GRID1: variants seen among roughly 807,000 people sequenced by gnomAD.
The protein encoded by GRID1 is glutamate receptor ionotropic, delta-1.
A neutral mutation model predicts 98.0 loss-of-function variants in GRID1; 28 were observed. The observed-to-expected ratio is 0.29, with a 90% CI of 0.21 to 0.39. GRID1 has a LOEUF of 0.39. Among genes scored for constraint, GRID1 ranks in the 10% least tolerant of loss-of-function variants. The pLI, the probability that GRID1 is intolerant of heterozygous loss-of-function variation, is 1.00. For synonymous variants in GRID1, 553 were observed against 538.5 expected, an observed-to-expected ratio of 1.03 and a Z score of -0.37; for missense variants, 1,111 against 1,340.5, an observed-to-expected ratio of 0.83 and a Z score of 2.67.
intron 8 of GRID1, among the ~76,000 whole-genome samples, chr10:85,814,781 T>G (rs1842701935): frequency 6.6e-6 from 1 of 152,004 alleles, no homozygotes; most frequent in Non-Finnish European, 1.5e-5. Flanking sequence ...GTTATTAAAT[T>G]TGTAGTTAAA....
chr10:85,840,911 G>T (rs1036692110), intron 8 of GRID1, among the ~76,000 whole-genome samples: 1 of 152,144 alleles, frequency 6.6e-6, no homozygotes, highest in African/African-American at 2.4e-5. Context: ...TGGCCATACT[G>T]GCCAAAGCAA....
intron 15 of GRID1, among the ~76,000 whole-genome samples, chr10:85,604,882 T>G (rs1842639580): frequency 6.6e-6 from 1 of 152,114 alleles, no homozygotes; most frequent in African/African-American, 2.4e-5. Flanking sequence ...AAGTCTATGG[T>G]TTATTGCTTT....
chr10:85,892,414 G>C (rs1027275336), intron 5 of GRID1, among the ~76,000 whole-genome samples: 1 of 151,708 alleles, frequency 6.6e-6, no homozygotes. Context: ...TAACCAAAGA[G>C]AGGCAAAGAA....
chr10:85,949,992 G>A (rs1842099542), intron 4 of GRID1, among the ~76,000 whole-genome samples: 2 of 152,034 alleles, frequency 1.3e-5, no homozygotes, highest in South Asian at 4.2e-4. Context: ...GGATAGATGG[G>A]TGACTGGATG....
At chr10:86,092,217 G>A (rs1844160226) in intron 4 of GRID1, among the ~76,000 whole-genome samples, 2 of 152,150 alleles carry the variant, frequency 1.3e-5, no homozygotes, top group African/African-American at 4.8e-5. Context: ...GAAGCCCAAT[G>A]CAAGGAAATA....
chr10:85,699,035 G>GGTTTT (rs1458991777), intron 12 of GRID1, among the ~76,000 whole-genome samples: 1 of 151,614 alleles, frequency 6.6e-6, no homozygotes, highest in South Asian at 2.1e-4. Context: ...TTTGTTTTGG[G>GGTTTT]GTTTTGTTTT....
At chr10:86,073,498 G>A (rs1341514435) in intron 4 of GRID1, among the ~76,000 whole-genome samples, 1 of 152,208 alleles carries the variant, frequency 6.6e-6, no homozygotes, top group Non-Finnish European at 1.5e-5. Context: ...CCCTGGGGGT[G>A]TGGTTATGCA....
chr10:86,030,238 C>A (rs920204893), intron 4 of GRID1, among the ~76,000 whole-genome samples: 3 of 151,976 alleles, frequency 2.0e-5, no homozygotes, highest in Non-Finnish European at 4.4e-5. Flanking sequence ...AAATGCTTTT[C>A]CTAAAGAGAA....
intron 2 of GRID1, among the ~76,000 whole-genome samples, chr10:86,277,708 A>T (rs1222299301): frequency 6.6e-6 from 1 of 152,194 alleles, no homozygotes; most frequent in African/African-American, 2.4e-5. Flanking sequence ...ACACAAAAGG[A>T]AATTAAAAGG....
At chr10:86,158,830 G>A (rs191104048) in intron 3 of GRID1, among the ~76,000 whole-genome samples, 15 of 152,342 alleles carry the variant, frequency 9.8e-5, no homozygotes, top group Admixed American at 7.8e-4. Flanking sequence ...GAGATCGGCT[G>A]TAAGTGTAAA....
chr10:85,958,606 C>T (rs1375960967), intron 4 of GRID1, among the ~76,000 whole-genome samples: 1 of 152,100 alleles, frequency 6.6e-6, no homozygotes, highest in Non-Finnish European at 1.5e-5. Context: ...TAAGGTAGAT[C>T]ACCCCCACTA....
chr10:86,221,020 T>C (rs1021399629), intron 2 of GRID1, among the ~76,000 whole-genome samples: 1 of 152,112 alleles, frequency 6.6e-6, no homozygotes, highest in Non-Finnish European at 1.5e-5. Context: ...CATCACGACA[T>C]AAGCCATGGC....
chr10:86,018,427 A>G (rs1365576600), intron 4 of GRID1, among the ~76,000 whole-genome samples: 2 of 152,256 alleles, frequency 1.3e-5, no homozygotes, highest in African/African-American at 4.8e-5. Flanking sequence ...AAATGCTACA[A>G]GACAGACGGC....
chr10:85,706,213 G>C (rs889770537), intron 12 of GRID1, among the ~76,000 whole-genome samples: 6 of 152,052 alleles, frequency 3.9e-5, no homozygotes, highest in East Asian at 3.9e-4. Context: ...CTAGAAAACC[G>C]CATCGTCTCA....
At chr10:86,208,880 C>T (rs758895734) in intron 2 of GRID1, among the ~76,000 whole-genome samples, 3 of 152,228 alleles carry the variant, frequency 2.0e-5, no homozygotes, top group Non-Finnish European at 4.4e-5. Flanking sequence ...AGGAACAGCA[C>T]TCAATCCAAA....
At chr10:86,013,164 A>G (rs1842940398) in intron 4 of GRID1, among the ~76,000 whole-genome samples, 1 of 152,210 alleles carries the variant, frequency 6.6e-6, no homozygotes, top group Admixed American at 6.5e-5. Context: ...TTTGGAATAG[A>G]TATCTTCAGC....
chr10:86,171,137 G>C (rs1176212758), intron 3 of GRID1, among the ~76,000 whole-genome samples: 2 of 152,100 alleles, frequency 1.3e-5, no homozygotes, highest in African/African-American at 2.4e-5. Flanking sequence ...TGTATTTTTC[G>C]AAACTTCCCA....
intron 2 of GRID1, among the ~76,000 whole-genome samples, chr10:86,313,199 T>C (rs1287097915): frequency 6.6e-6 from 1 of 152,234 alleles, no homozygotes; most frequent in Non-Finnish European, 1.5e-5. Context: ...TGGCAAGCTC[T>C]GTTTAATTCC....
chr10:86,201,695 TA>T (rs10685803), intron 3 of GRID1, among the ~76,000 whole-genome samples: 238 of 141,322 alleles, frequency 1.7e-3, no homozygotes, highest in South Asian at 1.6e-3. Context: ...AAATAAAAGT[TA>T]AAAAAAAAAA....
Sources: allele counts gnomAD v4.1 joint callset (sites outside exome capture counted in the v4.1 genomes callset), GRCh38; gene constraint gnomAD v4.1.1; transcripts MANE v1.5; gene names NCBI Gene and HGNC (gene_info 2026-07-23, HGNC 2026-07-21).